INSR: variants seen among roughly 807,000 people sequenced by gnomAD.
INSR encodes the protein IR.
A neutral mutation model predicts 142.6 loss-of-function variants in INSR; 67 were observed. That is an observed-to-expected ratio of 0.47 (90% CI 0.39 to 0.58). The LOEUF is 0.58. Ranked by LOEUF, INSR falls within the 20% of genes least tolerant of loss-of-function variation. The pLI is 0.00. For missense variants in INSR, 1,248 were observed against 1,833.2 expected (o/e 0.68, Z 5.83); for synonymous variants, 756 against 743.1 (o/e 1.02, Z -0.28).
chr19:7,142,810 C>T lies in INSR; in HGVS notation c.2542+6G>A. On this transcript the variant is annotated splice_donor_region_variant and intron_variant, in intron 12 of 21. Transcript: ENST00000302850. ...TGACACTCGGACCCCGGAGCAGCAG[C>T]CCTACCTTCAGGCATGGTCCTCGCA... is the stretch of plus-strand genomic sequence containing the variant. The T allele has an allele frequency of 6.2e-7, 1 of 1,613,862 alleles. No individual in the cohort carries two copies. The highest frequency in any genetic ancestry group is 2.2e-5 in the East Asian group (1 of 44,884).
rs1975340905 is a variant in INSR, at chr19:7,213,410, T to C, written c.653-28773A>G. ...GCAGGAACCCACCCTCCATAAAGTATGCAAAGAATTATTATGCAGCATTCA... is the reference window on the plus strand; with the variant it reads ...GCAGGAACCCACCCTCCATAAAGTACGCAAAGAATTATTATGCAGCATTCA... On this transcript the variant is annotated intron_variant, in intron 2 of 21. Coordinates refer to ENST00000302850, the MANE Select transcript of INSR (RefSeq NM_000208.4). Among the ~76,000 whole-genome samples the C allele has an allele frequency of 2.0e-5, 3 of 151,270 alleles. No individual in the cohort carries two copies. The South Asian group carries it at 6.2e-4, about 31-fold the overall frequency.
At chr19:7,274,566 C>T (rs949974216) in intron 1 of INSR, among the ~76,000 whole-genome samples, 1 of 151,838 alleles carries the variant, frequency 6.6e-6, no homozygotes, top group Non-Finnish European at 1.5e-5. Flanking sequence ...TTTGGGAGGC[C>T]GAGTCGGGTG....
At chr19:7,174,853 GTGTT>G in intron 3 of INSR, 122 bp from the exon 4 acceptor site, 2 of 1,019,030 alleles carry the variant, frequency 2.0e-6, no homozygotes, top group Non-Finnish European at 2.9e-6. Flanking sequence ...GTGTGTGTGT[GTGTT>G]TGTGTGACAG....
chr19:7,240,257 A>G (rs946631061), intron 2 of INSR, among the ~76,000 whole-genome samples: 1 of 152,224 alleles, frequency 6.6e-6, no homozygotes, highest in Non-Finnish European at 1.5e-5. Context: ...AAATTTTATG[A>G]TGTATATTTT....
intron 2 of INSR, among the ~76,000 whole-genome samples, chr19:7,251,292 C>T (rs1200239103): frequency 6.6e-6 from 1 of 152,096 alleles, no homozygotes; most frequent in East Asian, 1.9e-4. Context: ...GGGTCTTGCT[C>T]TGTCACGCAG....
chr19:7,243,308 C>T (rs577710646), intron 2 of INSR, among the ~76,000 whole-genome samples: 48 of 123,382 alleles, frequency 3.9e-4, no homozygotes, highest in African/African-American at 1.4e-3. Flanking sequence ...TGCAGTGGTG[C>T]GATCTCGGCT....
At chr19:7,157,687 CT>C (rs1301159458) in intron 9 of INSR, among the ~76,000 whole-genome samples, 3 of 151,970 alleles carry the variant, frequency 2.0e-5, no homozygotes, top group Non-Finnish European at 4.4e-5. Flanking sequence ...ACGGACACAG[CT>C]CTTTACAAGC....
At chr19:7,124,936 A>G (rs1599873645) in intron 17 of INSR, among the ~76,000 whole-genome samples, 2 of 152,082 alleles carry the variant, frequency 1.3e-5, no homozygotes, top group East Asian at 3.9e-4. Context: ...GGAAGAGTCT[A>G]AAAAGCAATG....
chr19:7,228,628 A>G (rs1975858054), intron 2 of INSR, among the ~76,000 whole-genome samples: 2 of 152,238 alleles, frequency 1.3e-5, no homozygotes, highest in African/African-American at 2.4e-5. Context: ...TTATCTGCAG[A>G]TGCTGCAATT....
chr19:7,264,926 G>A (rs1430139480), intron 2 of INSR, among the ~76,000 whole-genome samples: 1 of 152,170 alleles, frequency 6.6e-6, no homozygotes, highest in African/African-American at 2.4e-5. Context: ...CTCCAAGGGA[G>A]TCCTCACAGA....
chr19:7,293,951 A>G lies in INSR; in HGVS notation c.-60T>C, dbSNP rs1968570593. 4.4e-6 allele frequency: 5 copies of G among 1,148,560 alleles called. No homozygotes were observed. The highest frequency in any genetic ancestry group is 5.3e-6 in the Non-Finnish European group (5 of 935,920). 71.1% of individuals were successfully genotyped at this position (1,148,560 alleles called of 1,614,324 possible). On this transcript the variant is annotated 5_prime_UTR_variant, in exon 1 of 22. An upstream start codon of the reference 5' UTR is lost. Transcript: ENST00000302850. ...CGCGCGGCGCTGGCCCGCGGGGGTC[A>G]TGCTCCGAGGCGGCCACCCAAGAGG...
chr19:7,261,629 C>G (rs1056872187), intron 2 of INSR, among the ~76,000 whole-genome samples: 1 of 151,964 alleles, frequency 6.6e-6, no homozygotes, highest in Non-Finnish European at 1.5e-5. Context: ...CTCTCGGGTT[C>G]GAGTGATTCT....
At chr19:7,200,284 G>A (rs953851528) in intron 2 of INSR, among the ~76,000 whole-genome samples, 2 of 152,174 alleles carry the variant, frequency 1.3e-5, no homozygotes, top group Non-Finnish European at 2.9e-5. Context: ...TGAAGCCATC[G>A]GGGAGGTGGA....
At chr19:7,204,391 G>A (rs532583071) in intron 2 of INSR, among the ~76,000 whole-genome samples, 13 of 151,990 alleles carry the variant, frequency 8.6e-5, no homozygotes, top group Admixed American at 5.3e-4. Context: ...TATAAGTTAC[G>A]AGAGTCTTCG....
rs1339328016 is a variant in INSR at position 7,241,181 on chromosome 19, T to A, written c.652+26164A>T. Among the ~76,000 whole-genome samples, 3 of 92,004 alleles carry A rather than the reference T, an allele frequency of 3.3e-5. No homozygotes were observed. The East Asian group carries it at 7.1e-4, about 22-fold the overall frequency. 60.4% of individuals were successfully genotyped at this position (92,004 alleles called of 152,430 possible). A position where few individuals can be genotyped will look rare whatever the true frequency, so the allele number is the denominator to read the frequency against. The stretch of plus-strand genomic sequence containing the variant: ...ATTCACTTTTTATTTTATTTTGTTT[T>A]TTTTTTTTTTTTTAAGAGATGAGGC... On this transcript the variant is annotated intron_variant, in intron 2 of 21. Transcript: ENST00000302850.
At chr19:7,198,784 G>A (rs567167800) in intron 2 of INSR, among the ~76,000 whole-genome samples, 8 of 152,184 alleles carry the variant, frequency 5.3e-5, no homozygotes, top group Non-Finnish European at 1.0e-4. Flanking sequence ...CCTCCAGCCA[G>A]TATTCCGCAT....
intron 2 of INSR, among the ~76,000 whole-genome samples, chr19:7,257,240 G>GGCCTCCCC (rs1976922200): frequency 6.6e-6 from 1 of 151,988 alleles, no homozygotes; most frequent in Non-Finnish European, 1.5e-5. Flanking sequence ...CACCGTGCCC[G>GGCCTCCCC]GCCTCCCCCA....
chr19:7,198,074 T>G (rs1481288096), intron 2 of INSR, among the ~76,000 whole-genome samples: 1 of 151,710 alleles, frequency 6.6e-6, no homozygotes, highest in East Asian at 1.9e-4. Context: ...TGTCTGCGTG[T>G]GTGCCCATGG....
chr19:7,179,189 G>T (rs995091756), intron 3 of INSR, among the ~76,000 whole-genome samples: 2 of 152,204 alleles, frequency 1.3e-5, no homozygotes, highest in African/African-American at 4.8e-5. Context: ...TGGGATTACA[G>T]GCATGAGCCA....
Sources: gnomAD v4.1 joint callset for allele counts (sites outside exome capture counted in the v4.1 genomes callset) on GRCh38, gnomAD v4.1.1 for gene constraint, MANE v1.5 for transcripts, NCBI Gene and HGNC (gene_info 2026-07-23, HGNC 2026-07-21) for gene names.